The following MBD6 variants were observed in gnomAD, a reference collection of about 807,000 sequenced individuals.
The protein encoded by MBD6 is methyl-CpG-binding domain protein 6.
In MBD6, 22 loss-of-function variants were observed where a neutral mutation model predicts 66.8. The ratio of observed to expected loss-of-function variants is 0.33; its 90% CI spans 0.24 to 0.47. MBD6 has a LOEUF of 0.47. MBD6 is among the 20% of genes least tolerant of loss of function. The pLI is 1.00. For missense variants in MBD6, 1,322 were observed against 1,286.9 expected (o/e 1.03, Z -0.42); for synonymous variants, 540 against 534.6 (o/e 1.01, Z -0.14).
In MBD6 at chr12:57,526,675, T is replaced by TC; in HGVS notation, c.1534dup (p.Leu512ProfsTer13). ...GGGCAGGCCCGGCCTGCCCTCTGCC[T>TC]CCCCTGGCTGGTGGAGAGGCTTTCC... is the stretch of plus-strand genomic sequence containing the variant. On this transcript the variant is annotated frameshift_variant, in exon 7 of 13. Transcript: ENST00000355673. LOFTEE classifies it high-confidence loss of function. 6.6e-7 allele frequency: 1 copy of TC among 1,523,968 alleles called. No individual in the cohort carries two copies. The highest frequency in any genetic ancestry group is 8.8e-7 in the Non-Finnish European group (1 of 1,136,956). The allele number at this position is 1,523,968 out of a possible 1,614,324, so 94.4% of individuals were successfully genotyped here. A position where few individuals can be genotyped will look rare whatever the true frequency, so the allele number is the denominator to read the frequency against.
At position 57,524,350 on chromosome 12, in the gene MBD6, C is replaced by A; in HGVS notation, c.47C>A (p.Pro16His). The change falls in exon 3 of 13, where the codon CCT (proline) becomes CAT (histidine). Residue 16 changes from proline (P) to histidine (H), a missense_variant. Coordinates refer to ENST00000355673, the MANE Select transcript of MBD6 (RefSeq NM_052897.4). The part of the protein sequence containing the change: ...ESSGADRAGG[P>H]VATSVPIGWQ... ...AGTGGAGCAGACAGAGCTGGGGGCC[C>A]TGTGGCCACATCTGTCCCCATCGGC... 6.3e-7 allele frequency: 1 copy of A among 1,595,918 alleles called. No homozygotes were observed. The highest frequency in any genetic ancestry group is 1.1e-5 in the South Asian group (1 of 89,248).
At chr12:57,525,147 G>A in intron 5 of MBD6, 32 bp downstream of exon 5, 1 of 1,592,918 alleles carries the variant, frequency 6.3e-7, no homozygotes, top group Non-Finnish European at 8.5e-7. Flanking sequence ...AGAAGACCGA[G>A]GAAAACCTAA....
Position 57,529,489 on chromosome 12 carries a change from C to T in MBD6, c.*255C>T. 2 of 429,016 alleles carry T rather than the reference C, an allele frequency of 4.7e-6. No individual in the cohort carries two copies. Among genetic ancestry groups the T allele is most frequent in the Middle Eastern group, 6.3e-4 (1 of 1,576 alleles). The allele number at this position is 429,016 out of a possible 1,614,324, so 26.6% of individuals were successfully genotyped here. On this transcript the variant is annotated 3_prime_UTR_variant, in exon 13 of 13. Coordinates refer to ENST00000355673, the MANE Select transcript of MBD6 (RefSeq NM_052897.4). Reference sequence around the variant, plus strand: ...AAGGCCTGGGGGGGATGGTATATGGCCCTTTCCCCACCAGGCGCTAAGGGG... The same window carrying T: ...AAGGCCTGGGGGGGATGGTATATGGTCCTTTCCCCACCAGGCGCTAAGGGG...
downstream of MBD6, chr12:57,530,665 C>T (rs771327950): frequency 3.8e-6 from 6 of 1,598,972 alleles, no homozygotes; most frequent in East Asian, 1.3e-4. Context: ...GGGATAACCC[C>T]TGTTCTCCAG....
intron 9 of MBD6, 32 bp from the exon 10 acceptor site, chr12:57,528,115 G>C: frequency 6.4e-7 from 1 of 1,556,928 alleles, no homozygotes. Context: ...CGGTATTTGA[G>C]ATTGACTGAG....
In MBD6 at chr12:57,522,935, A is replaced by G. The variant is rs1594850924; in HGVS notation, c.-165A>G. The stretch of plus-strand genomic sequence containing the variant: ...CGTACCGGAGGCTCGGGCTCCACCG[A>G]CCCTCCTCCCACCCCCTCCCACTCA... On this transcript the variant is annotated 5_prime_UTR_variant, in exon 1 of 13. Coordinates refer to ENST00000355673, the MANE Select transcript of MBD6 (RefSeq NM_052897.4). 2 of 144,372 alleles carry G rather than the reference A, an allele frequency of 1.4e-5. No individual in the cohort carries two copies. Among genetic ancestry groups the G allele is most frequent in the African/African-American group, 2.6e-5 (1 of 38,566 alleles). The allele number at this position is 144,372 out of a possible 1,614,324, so 8.9% of individuals were successfully genotyped here. A position where few individuals can be genotyped will look rare whatever the true frequency, so the allele number is the denominator to read the frequency against.
At position 57,524,427 on chromosome 12, in the gene MBD6, T is replaced by TA; in HGVS notation, c.113+11_113+12insA. The TA allele has an allele frequency of 6.4e-7, 1 of 1,563,012 alleles. No homozygotes were observed. Among genetic ancestry groups the TA allele is most frequent in the African/African-American group, 1.4e-5 (1 of 72,982 alleles). On this transcript the variant is annotated intron_variant, in intron 3 of 12. Transcript: ENST00000355673. Reference sequence around the variant, plus strand: ...TGTGCTCTACATCAGGTACGGATCTTCACAGGTCCCCAAGCTCTGCCACTC... The same window carrying TA: ...TGTGCTCTACATCAGGTACGGATCTTACACAGGTCCCCAAGCTCTGCCACTC...
rs752757033 is a variant in MBD6, at chr12:57,527,913, C to G, written c.2302C>G (p.Leu768Val). ...LPSLLQPPGP[L>V]LSGQLGLQLL... is the part of the protein sequence containing the mutation. ...CAGCCTGTTGCAGCCTCCTGGCCCTCTTCTCTCTGGCCAGTTGGGGCTGCA... is the reference window on the plus strand; with the variant it reads ...CAGCCTGTTGCAGCCTCCTGGCCCTGTTCTCTCTGGCCAGTTGGGGCTGCA... The change falls in exon 9 of 13, where the codon CTT becomes GTT. Residue 768 changes from leucine (L) to valine (V), a missense_variant. Leu to Val is a conservative substitution (Grantham distance 32). Coordinates refer to ENST00000355673, the MANE Select transcript of MBD6 (RefSeq NM_052897.4). The G allele has an allele frequency of 1.2e-6, 2 of 1,613,458 alleles. No individual in the cohort carries two copies. Among genetic ancestry groups the G allele is most frequent in the Non-Finnish European group, 1.7e-6 (2 of 1,179,780 alleles).
chr12:57,530,542 T>C, downstream of MBD6: 1 of 687,548 alleles, frequency 1.5e-6, no homozygotes, highest in East Asian at 2.7e-5. Flanking sequence ...GGGAGGGGTA[T>C]AAACCCCACA....
rs1470034928 is a variant in MBD6 at position 57,529,546 on chromosome 12, T to C, written c.*312T>C. On this transcript the variant is annotated 3_prime_UTR_variant, in exon 13 of 13. Transcript: ENST00000355673. ...CCCTTCCCCAGGTCTTTTATTTGTTTAAGTTATTTTTGCACAAATGACTCT... is the reference window on the plus strand; with the variant it reads ...CCCTTCCCCAGGTCTTTTATTTGTTCAAGTTATTTTTGCACAAATGACTCT... 2.1e-5 allele frequency: 6 copies of C among 279,512 alleles called. No homozygotes were observed. Among genetic ancestry groups the C allele is most frequent in the Admixed American group, 1.4e-4 (3 of 21,738 alleles). The allele number at this position is 279,512 out of a possible 1,614,324, so 17.3% of individuals were successfully genotyped here.
chr12:57,526,223 C>A lies in MBD6; in HGVS notation c.1255C>A (p.Pro419Thr). The A allele has an allele frequency of 6.2e-7, 1 of 1,614,086 alleles. No individual in the cohort carries two copies. Among genetic ancestry groups the A allele is most frequent in the Non-Finnish European group, 8.5e-7 (1 of 1,180,012 alleles). ...LPSVLSLLGL[P>T]TPGPSHSDGS... ...TTCTGTGCTGTCCCTGCTGGGACTCCCCACCCCTGGCCCTTCCCACTCTGA... is the reference window on the plus strand; with the variant it reads ...TTCTGTGCTGTCCCTGCTGGGACTCACCACCCCTGGCCCTTCCCACTCTGA... Residue 419 changes from proline to threonine, a missense_variant, in exon 6 of 13, where the codon CCC becomes ACC. By Grantham distance (38) the Pro-to-Thr change is conservative. Coordinates refer to ENST00000355673, the MANE Select transcript of MBD6 (RefSeq NM_052897.4).
rs1878689794 is a variant in MBD6 at position 57,524,419 on chromosome 12, A to G, written c.113+3A>G. On this transcript the variant is annotated splice_donor_region_variant and intron_variant, in intron 3 of 12. Transcript: ENST00000355673. ...GAGGGTGCTGTGCTCTACATCAGGT[A>G]CGGATCTTCACAGGTCCCCAAGCTC... The G allele has an allele frequency of 6.4e-7, 1 of 1,569,636 alleles. No homozygotes were observed. Among genetic ancestry groups the G allele is most frequent in the Non-Finnish European group, 8.6e-7 (1 of 1,159,750 alleles).
rs922347068 is a variant in MBD6, at chr12:57,525,600, C to A, written c.632C>A (p.Ser211Tyr). Residue 211 changes from serine (S) to tyrosine (Y), a missense_variant, in exon 6 of 13, where the codon TCT (serine) becomes TAT (tyrosine). Ser to Tyr is a moderately radical substitution (Grantham distance 144). Transcript: ENST00000355673. Reference sequence around the variant, plus strand: ...TTCCTCCCAAGGGGCAATGCCCCCTCTCCAGCCCCACCTCCTCCACCTGCT... The same window carrying A: ...TTCCTCCCAAGGGGCAATGCCCCCTATCCAGCCCCACCTCCTCCACCTGCT... Reference protein sequence around the residue: ...PRFLPRGNAPSPAPPPPPAIS... With the variant: ...PRFLPRGNAPYPAPPPPPAIS... 1.2e-5 allele frequency: 20 copies of A among 1,612,778 alleles called. No individual in the cohort carries two copies. The highest frequency in any genetic ancestry group is 1.7e-5 in the Non-Finnish European group (20 of 1,179,342).
chr12:57,531,113 A>G (rs1298288321), downstream of MBD6, among the ~76,000 whole-genome samples: 1 of 152,200 alleles, frequency 6.6e-6, no homozygotes, highest in East Asian at 1.9e-4. Context: ...GAGGAAAAGG[A>G]TATTATTCTA....
rs756309560 is a variant in MBD6, at chr12:57,527,522, GCCC to G, written c.2102_2104del (p.Pro701del). ...TTTTTCTTAGCCCTGTGTCCTGAGT[GCCC>G]CCCAACCTGGACCACCTACCTCCAG... On this transcript the variant is annotated inframe_deletion, in exon 8 of 13. Coordinates refer to ENST00000355673, the MANE Select transcript of MBD6 (RefSeq NM_052897.4). 2 of 1,614,050 alleles carry G rather than the reference GCCC, an allele frequency of 1.2e-6. No individual in the cohort carries two copies. The highest frequency in any genetic ancestry group is 8.5e-7 in the Non-Finnish European group (1 of 1,180,002).
In MBD6 at chr12:57,529,633, C is replaced by G. The variant is rs982333531; in HGVS notation, c.*399C>G. The G allele has an allele frequency of 1.1e-5, 2 of 189,696 alleles. No individual in the cohort carries two copies. The highest frequency in any genetic ancestry group is 4.6e-5 in the African/African-American group (2 of 43,224). The allele number at this position is 189,696 out of a possible 1,614,324, so 11.8% of individuals were successfully genotyped here. The stretch of plus-strand genomic sequence containing the variant: ...AAGCCAACAGGCTCAGTTTACAAAC[C>G]TGTGAGCTACTGTTGGCTGCTGCCC... On this transcript the variant is annotated 3_prime_UTR_variant, in exon 13 of 13. Coordinates refer to ENST00000355673, the MANE Select transcript of MBD6 (RefSeq NM_052897.4).
chr12:57,526,485 G>C, intron 6 of MBD6, 81 bp from the exon 7 acceptor site: 1 of 1,511,756 alleles, frequency 6.6e-7, no homozygotes, highest in South Asian at 1.3e-5. Flanking sequence ...GGGTTTTCTG[G>C]GTTGGGGGCA....
In MBD6 at chr12:57,526,397, G is replaced by A. The variant is rs1459809663; in HGVS notation, c.1420+9G>A. ...CCTCAGCAGTGTGCCAGGTATGTGA[G>A]TATTGTGGAGCCCTTCCTCATCCTG... On this transcript the variant is annotated intron_variant, in intron 6 of 12. Transcript: ENST00000355673. 1.3e-6 allele frequency: 2 copies of A among 1,564,724 alleles called. No homozygotes were observed. The highest frequency in any genetic ancestry group is 2.2e-5 in the East Asian group (1 of 44,508).
At chr12:57,531,341 G>A (rs1594877417), downstream of MBD6, among the ~76,000 whole-genome samples, 1 of 151,846 alleles carries the variant, frequency 6.6e-6, no homozygotes, top group East Asian at 1.9e-4. Context: ...TGGACAACAT[G>A]GTGAAACCCC....
Sources: allele counts gnomAD v4.1 joint callset (sites outside exome capture counted in the v4.1 genomes callset), GRCh38; gene constraint gnomAD v4.1.1; transcripts MANE v1.5; gene names NCBI Gene and HGNC (gene_info 2026-07-23, HGNC 2026-07-21).